The following RGL1 variants were observed in gnomAD, a reference collection of about 807,000 sequenced individuals.
RGL1 encodes ral guanine nucleotide dissociation stimulator-like 1.
A neutral mutation model predicts 95.2 loss-of-function variants in RGL1; 24 were observed. That is an observed-to-expected ratio of 0.25 (90% confidence interval 0.18 to 0.35). The LOEUF is 0.35. Ranked by LOEUF, RGL1 falls within the 10% of genes least tolerant of loss-of-function variation. RGL1 has a pLI of 1.00. For synonymous variants in RGL1, 329 were observed against 344.9 expected, an observed-to-expected ratio of 0.95 and a Z score of 0.51; for missense variants, 715 against 936.3, an observed-to-expected ratio of 0.76 and a Z score of 3.08.
intron 2 of RGL1, among the ~76,000 whole-genome samples, chr1:183,839,148 A>G (rs1194113269): frequency 2.0e-5 from 3 of 152,136 alleles, no homozygotes; most frequent in Non-Finnish European, 4.4e-5. Context: ...GAACCAGCTT[A>G]ATTTTGGTAC....
In RGL1 at chr1:183,866,089, C is replaced by T. The variant is rs1371877990; in HGVS notation, c.425+16C>T. 1 of 1,583,072 alleles carries T rather than the reference C, an allele frequency of 6.3e-7. No homozygotes were observed. Among genetic ancestry groups the T allele is most frequent in the Admixed American group, 1.7e-5 (1 of 59,952 alleles). On this transcript the variant is annotated intron_variant, in intron 4 of 17. Coordinates refer to ENST00000360851, the MANE Select transcript of RGL1 (RefSeq NM_001297671.3). ...TGATCAGGAAGTGAGTCTCCCTTTT[C>T]TTTGCATTCTAAGCTCTCAGTCAAG...
intron 2 of RGL1, among the ~76,000 whole-genome samples, chr1:183,827,025 C>T (rs911642210): frequency 7.2e-5 from 11 of 152,122 alleles, no homozygotes; most frequent in Non-Finnish European, 1.6e-4. Context: ...CAGGCTCAAG[C>T]AATTCTCGTG....
At chr1:183,653,794 A>G (rs1170777203) in intron 1 of RGL1, among the ~76,000 whole-genome samples, 1 of 152,116 alleles carries the variant, frequency 6.6e-6, no homozygotes, top group Admixed American at 6.5e-5. Flanking sequence ...CTCCAGTTTA[A>G]GACAAGATTT....
chr1:183,789,325 C>T (rs1393954414), intron 2 of RGL1, among the ~76,000 whole-genome samples: 1 of 152,186 alleles, frequency 6.6e-6, no homozygotes, highest in African/African-American at 2.4e-5. Flanking sequence ...TGGCAGGTGC[C>T]TGTAATCCCA....
chr1:183,748,552 C>T (rs1657795670), intron 2 of RGL1, among the ~76,000 whole-genome samples: 1 of 151,776 alleles, frequency 6.6e-6, no homozygotes, highest in Admixed American at 6.6e-5. Context: ...ACTACAGGTG[C>T]CCGCCACCAC....
At chr1:183,665,765 CCTT>C in intron 1 of RGL1, among the ~76,000 whole-genome samples, 1 of 152,060 alleles carries the variant, frequency 6.6e-6, no homozygotes, top group South Asian at 2.1e-4. Context: ...TAATTCGTGT[CCTT>C]CTGTTTTTTC....
chr1:183,810,892 T>A (rs780747912), intron 2 of RGL1, among the ~76,000 whole-genome samples: 17 of 152,232 alleles, frequency 1.1e-4, no homozygotes, highest in Non-Finnish European at 2.2e-4. Flanking sequence ...GTTGTGCATT[T>A]ACCTCACTCT....
At chr1:183,695,558 T>G (rs1421247362) in intron 1 of RGL1, among the ~76,000 whole-genome samples, 1 of 152,208 alleles carries the variant, frequency 6.6e-6, no homozygotes, top group Non-Finnish European at 1.5e-5. Flanking sequence ...AGCCACCAAC[T>G]TTCAAGTGGT....
rs548745730 is a variant in RGL1 at position 183,683,134 on chromosome 1, CTG to C, written c.-33+46637_-33+46638del. Among the ~76,000 whole-genome samples the C allele has an allele frequency of 2.6e-5, 4 of 152,142 alleles. No homozygotes were observed. The South Asian group carries it at 8.3e-4, about 31-fold the overall frequency. On this transcript the variant is annotated intron_variant, in intron 1 of 18. Transcript: ENST00000304685. ...TCTTGACTCTATCCAATTTGCCAGTCTGTGTCTTTTAATTGGGGCATTTAGCC... is the reference window on the plus strand; with the variant it reads ...TCTTGACTCTATCCAATTTGCCAGTCTGTCTTTTAATTGGGGCATTTAGCC...
chr1:183,691,322 T>C (rs1653933828), intron 1 of RGL1, among the ~76,000 whole-genome samples: 1 of 152,212 alleles, frequency 6.6e-6, no homozygotes, highest in African/African-American at 2.4e-5. Flanking sequence ...CATACTAATA[T>C]ATCAGAGATA....
chr1:183,801,175 GTGTT>G (rs1241864742), upstream of RGL1, among the ~76,000 whole-genome samples: 22 of 151,476 alleles, frequency 1.5e-4, no homozygotes, highest in Admixed American at 2.0e-4. Flanking sequence ...GTGTGTGTGT[GTGTT>G]TAATAATGGC....
At position 183,798,904 on chromosome 1, in the gene RGL1, GGAGTCTTGCTCTGTCGCCCAGGCT is replaced by G. The variant is rs1572425044; in HGVS notation, c.133-7445_133-7422del. 1.2e-4 allele frequency among the ~76,000 whole-genome samples: 16 copies of G among 135,940 alleles called. No homozygotes were observed. The East Asian group carries it at 2.9e-3, about 25-fold the overall frequency. 89.2% of individuals were successfully genotyped at this position (135,940 alleles called of 152,430 possible). On this transcript the variant is annotated intron_variant, in intron 2 of 18. Transcript: ENST00000304685. Reference sequence around the variant, plus strand: ...TTTTTTTTTTTTTTTTTTTTTTGACGGAGTCTTGCTCTGTCGCCCAGGCTGAGTCTTGCTCTGTCGCCCAGGCTG... The same window carrying G: ...TTTTTTTTTTTTTTTTTTTTTTGACGGAGTCTTGCTCTGTCGCCCAGGCTG...
intron 2 of RGL1, among the ~76,000 whole-genome samples, chr1:183,790,128 G>A (rs1456295598): frequency 6.6e-6 from 1 of 151,862 alleles, no homozygotes; most frequent in Non-Finnish European, 1.5e-5. Context: ...GTTTCACCAT[G>A]TTGGTCATAG....
At chr1:183,811,310 C>T (rs1448988788) in intron 2 of RGL1, among the ~76,000 whole-genome samples, 1 of 152,170 alleles carries the variant, frequency 6.6e-6, no homozygotes, top group Non-Finnish European at 1.5e-5. Context: ...AAAGGCAATG[C>T]ATGAGTTAAA....
intron 3 of RGL1, among the ~76,000 whole-genome samples, chr1:183,852,745 A>G (rs1260239318): frequency 6.6e-6 from 1 of 152,142 alleles, no homozygotes; most frequent in African/African-American, 2.4e-5. Flanking sequence ...CCTGGGAGGC[A>G]GAAGTTGCAG....
chr1:183,751,173 C>T (rs1657974996), intron 2 of RGL1, among the ~76,000 whole-genome samples: 1 of 152,224 alleles, frequency 6.6e-6, no homozygotes, highest in South Asian at 2.1e-4. Context: ...GCTGCCCCTT[C>T]CCCCAGGTGC....
chr1:183,865,639 T>C (rs1472071679), intron 3 of RGL1, among the ~76,000 whole-genome samples: 1 of 152,166 alleles, frequency 6.6e-6, no homozygotes, highest in Non-Finnish European at 1.5e-5. Context: ...ACGGGAGGGT[T>C]TGGTGTGCTA....
chr1:183,678,940 C>T (rs1653015451), intron 1 of RGL1, among the ~76,000 whole-genome samples: 1 of 152,172 alleles, frequency 6.6e-6, no homozygotes, highest in African/African-American at 2.4e-5. Flanking sequence ...TAGGGCTGGG[C>T]ATTTGCCATA....
At chr1:183,884,992 C>A in intron 7 of RGL1, 54 bp downstream of exon 7, 1 of 1,459,748 alleles carries the variant, frequency 6.9e-7, no homozygotes, top group South Asian at 1.2e-5. Flanking sequence ...AGAGACTGCT[C>A]CATCACTTCG....
Sources: allele counts gnomAD v4.1 joint callset (sites outside exome capture counted in the v4.1 genomes callset), GRCh38; gene constraint gnomAD v4.1.1; transcripts MANE v1.5; gene names NCBI Gene and HGNC (gene_info 2026-07-23, HGNC 2026-07-21).